Variants in PPP1R21 observed in about 807,000 individuals in gnomAD.
PPP1R21 encodes the protein KLRAQ motif containing 1.
In PPP1R21, 85 loss-of-function variants were observed where a neutral mutation model predicts 112.8. The observed-to-expected ratio is 0.75, with a 90% CI of 0.63 to 0.90. The LOEUF (loss-of-function observed/expected upper bound fraction) is 0.90. PPP1R21 is among the 40% of genes least tolerant of loss of function. The probability of loss-of-function intolerance (pLI) is 0.00; values close to 1 mark genes in which losing one functional copy is unlikely to be tolerated. For synonymous variants in PPP1R21, 381 were observed against 322.3 expected (o/e 1.18, Z -1.95); for missense variants, 1,199 against 901.5 (o/e 1.33, Z -4.23).
chr2:48,489,776 T>C (rs1277089436), intron 14 of PPP1R21, among the ~76,000 whole-genome samples: 3 of 152,024 alleles, frequency 2.0e-5, no homozygotes, highest in Non-Finnish European at 4.4e-5. Context: ...CTGGGTGTGG[T>C]GGCTCACGCC....
intron 15 of PPP1R21, among the ~76,000 whole-genome samples, chr2:48,492,867 G>A (rs2103946403): frequency 6.6e-6 from 1 of 152,210 alleles, no homozygotes; most frequent in South Asian, 2.1e-4. Flanking sequence ...TTTAACCCAT[G>A]CATTTAATAT....
intron 9 of PPP1R21, among the ~76,000 whole-genome samples, chr2:48,466,357 G>A (rs143121555): frequency 0.017 from 2,589 of 151,978 alleles, 66 homozygotes; most frequent in African/African-American, 0.057. Context: ...GACTACAGGC[G>A]TGCACCACCA....
intron 13 of PPP1R21, among the ~76,000 whole-genome samples, chr2:48,480,929 A>G (rs1190627559): frequency 1.3e-5 from 2 of 152,188 alleles, no homozygotes; most frequent in Non-Finnish European, 2.9e-5. Context: ...GTTACCAAGC[A>G]CCAGTTTACC....
intron 2 of PPP1R21, among the ~76,000 whole-genome samples, chr2:48,451,918 A>G (rs973800958): frequency 6.6e-6 from 1 of 152,166 alleles, no homozygotes; most frequent in African/African-American, 2.4e-5. Context: ...TTACGTAGTC[A>G]GTTGTTGGAT....
intron 2 of PPP1R21, among the ~76,000 whole-genome samples, chr2:48,453,540 A>C (rs1667576105): frequency 6.6e-6 from 1 of 152,184 alleles, no homozygotes; most frequent in Non-Finnish European, 1.5e-5. Context: ...TTTGACAATC[A>C]GTGAATAAAA....
At chr2:48,511,744 G>A (rs922275104) in intron 21 of PPP1R21, among the ~76,000 whole-genome samples, 1 of 151,790 alleles carries the variant, frequency 6.6e-6, no homozygotes, top group African/African-American at 2.4e-5. Context: ...GAGGGCCTGT[G>A]CCTGTAGTCC....
At chr2:48,490,210 C>A (rs746976088) in intron 14 of PPP1R21, among the ~76,000 whole-genome samples, 2 of 100,992 alleles carry the variant, frequency 2.0e-5, no homozygotes, top group African/African-American at 4.2e-5. Flanking sequence ...CAGAGTGAGA[C>A]GCCGACTCAA....
At chr2:48,443,925 A>C (rs1464878495) in intron 1 of PPP1R21, among the ~76,000 whole-genome samples, 2 of 152,216 alleles carry the variant, frequency 1.3e-5, no homozygotes, top group African/African-American at 4.8e-5. Context: ...GAAAGCAGCA[A>C]GCATGATCCC....
intron 1 of PPP1R21, among the ~76,000 whole-genome samples, chr2:48,446,044 A>G (rs1012367155): frequency 6.6e-6 from 1 of 152,166 alleles, no homozygotes; most frequent in Non-Finnish European, 1.5e-5. Context: ...CTTTGTATTG[A>G]AGAAAAGACT....
chr2:48,513,961 T>A (rs1054754178), intron 21 of PPP1R21, among the ~76,000 whole-genome samples: 20 of 152,174 alleles, frequency 1.3e-4, no homozygotes, highest in African/African-American at 4.8e-4. Flanking sequence ...CCAAGCTGAC[T>A]TTTGACAGAT....
intron 1 of PPP1R21, 171 bp downstream of exon 1, chr2:48,441,181 G>T: frequency 1.6e-6 from 1 of 630,162 alleles, no homozygotes; most frequent in Non-Finnish European, 2.9e-6. Flanking sequence ...GCAGCTCCCA[G>T]GAGATGGGGC....
At chr2:48,442,354 C>T (rs1319020681) in intron 1 of PPP1R21, among the ~76,000 whole-genome samples, 3 of 152,240 alleles carry the variant, frequency 2.0e-5, no homozygotes, top group Non-Finnish European at 2.9e-5. Context: ...ATTTTCTTCT[C>T]CAGAAAGCCA....
At chr2:48,459,996 G>C (rs11694955) in intron 5 of PPP1R21, 78 bp downstream of exon 5, 157,282 of 1,589,680 alleles carry the variant, frequency 0.099, 9,219 homozygotes, top group Non-Finnish European at 0.12. Flanking sequence ...CTTAGAGTTA[G>C]TCATTTCTGG....
intron 14 of PPP1R21, among the ~76,000 whole-genome samples, chr2:48,490,447 G>C (rs1287219298): frequency 2.0e-5 from 3 of 152,102 alleles, no homozygotes; most frequent in Non-Finnish European, 4.4e-5. Flanking sequence ...TCATGGCTTT[G>C]AAAGTGATAG....
At chr2:48,445,191 T>C (rs1437304546) in intron 1 of PPP1R21, among the ~76,000 whole-genome samples, 1 of 146,234 alleles carries the variant, frequency 6.8e-6, no homozygotes, top group Non-Finnish European at 1.5e-5. Flanking sequence ...ACTAGTAAAG[T>C]TGGGTTGGAA....
chr2:48,486,607 A>G, intron 13 of PPP1R21, 24 bp from the exon 14 acceptor site: 1 of 1,568,344 alleles, frequency 6.4e-7, no homozygotes, highest in Non-Finnish European at 8.8e-7. Flanking sequence ...ATAATAATGA[A>G]TTTTCATGTA....
intron 2 of PPP1R21, 87 bp downstream of exon 2, chr2:48,451,163 T>A: frequency 9.7e-7 from 1 of 1,026,672 alleles, no homozygotes; most frequent in South Asian, 1.3e-5. Flanking sequence ...TGGGTTAAAG[T>A]TCCAACTCTG....
intron 1 of PPP1R21, among the ~76,000 whole-genome samples, chr2:48,447,923 C>T (rs1667318721): frequency 6.6e-6 from 1 of 151,860 alleles, no homozygotes; most frequent in Non-Finnish European, 1.5e-5. Context: ...GCACTTCAGC[C>T]TGGGCAACAG....
intron 16 of PPP1R21, among the ~76,000 whole-genome samples, chr2:48,496,445 C>T (rs1216557046): frequency 2.0e-5 from 3 of 147,508 alleles, no homozygotes; most frequent in Non-Finnish European, 4.5e-5. Context: ...AGAATCTAAA[C>T]AAGACAGGGC....
Sources: gnomAD v4.1 joint callset for allele counts (sites outside exome capture counted in the v4.1 genomes callset) on GRCh38, gnomAD v4.1.1 for gene constraint, MANE v1.5 for transcripts, NCBI Gene and HGNC (gene_info 2026-07-23, HGNC 2026-07-21) for gene names.